Variants in MCPH1 observed in about 807,000 individuals in gnomAD.
The protein encoded by MCPH1 is microcephalin.
MCPH1 carries 104 observed loss-of-function variants against 84.5 expected under a neutral mutation model. That is an observed-to-expected ratio of 1.23 (90% CI 1.05 to 1.45). The LOEUF is 1.45. Ranked by LOEUF, MCPH1 falls within the 40% of genes most tolerant of loss-of-function variation. The pLI, the probability that MCPH1 is intolerant of heterozygous loss-of-function variation, is 0.00. For missense variants in MCPH1, 1,498 were observed against 1,005.7 expected (o/e 1.49, Z -6.62); for synonymous variants, 514 against 366.8 (o/e 1.40, Z -4.58).
intron 12 of MCPH1, among the ~76,000 whole-genome samples, chr8:6,567,350 G>A (rs901958781): frequency 3.3e-5 from 5 of 151,672 alleles, no homozygotes; most frequent in South Asian, 2.1e-4. Flanking sequence ...CACACGGTGC[G>A]GTGACCATGT....
At chr8:6,640,277 A>C (rs1020826036) in intron 13 of MCPH1, among the ~76,000 whole-genome samples, 1 of 152,076 alleles carries the variant, frequency 6.6e-6, no homozygotes, top group African/African-American at 2.4e-5. Context: ...TGTGTACTTA[A>C]ATTCTGATAC....
At chr8:6,479,710 A>G (rs2440392) in intron 10 of MCPH1, among the ~76,000 whole-genome samples, 104,253 of 152,036 alleles carry the variant, frequency 0.69, 40,013 homozygotes, top group Non-Finnish European at 0.84. Flanking sequence ...TGGGAGAGAG[A>G]GAAAACTAAT....
chr8:6,535,633 A>G (rs1041475992), intron 12 of MCPH1, among the ~76,000 whole-genome samples: 2 of 152,350 alleles, frequency 1.3e-5, no homozygotes, highest in South Asian at 2.1e-4. Flanking sequence ...TGAAGCATGT[A>G]TCATTTAAAT....
chr8:6,472,207 G>C (rs1279554814), intron 9 of MCPH1, among the ~76,000 whole-genome samples: 1 of 152,106 alleles, frequency 6.6e-6, no homozygotes, highest in Non-Finnish European at 1.5e-5. Flanking sequence ...AATATGCCAA[G>C]CATATAATTA....
At chr8:6,496,988 T>A (rs1291550307) in intron 11 of MCPH1, among the ~76,000 whole-genome samples, 1 of 152,194 alleles carries the variant, frequency 6.6e-6, no homozygotes, top group Non-Finnish European at 1.5e-5. Flanking sequence ...TTGTTCAGTG[T>A]TTTTGCTTAT....
intron 13 of MCPH1, chr8:6,625,347 C>T (rs1831956150): frequency 2.0e-6 from 2 of 985,392 alleles, no homozygotes; most frequent in Non-Finnish European, 2.4e-6. Flanking sequence ...ATGGATGTGT[C>T]CTCATCATCC....
intron 12 of MCPH1, among the ~76,000 whole-genome samples, chr8:6,563,976 C>CTTTTTT (rs11358428): frequency 5.9e-4 from 50 of 85,406 alleles, no homozygotes; most frequent in African/African-American, 1.9e-3. Context: ...GGAATACAAA[C>CTTTTTT]TTTTTTTTTT....
chr8:6,642,776 G>A (rs1327574386), intron 13 of MCPH1: 3 of 605,292 alleles, frequency 5.0e-6, no homozygotes, highest in Non-Finnish European at 9.1e-6. Context: ...ACTTGAACTG[G>A]CCAGTGTGAC....
intron 12 of MCPH1, chr8:6,562,863 C>G: frequency 1.2e-6 from 2 of 1,612,950 alleles, no homozygotes; most frequent in Non-Finnish European, 1.7e-6. Context: ...TGTCCATGCT[C>G]TTCCGAAAGT....
chr8:6,633,173 C>A (rs1363919135), intron 13 of MCPH1, among the ~76,000 whole-genome samples: 1 of 151,904 alleles, frequency 6.6e-6, no homozygotes, highest in Non-Finnish European at 1.5e-5. Context: ...TGCTATTACT[C>A]TTCAACAGTG....
chr8:6,549,436 G>A (rs1823203450), intron 12 of MCPH1, among the ~76,000 whole-genome samples: 1 of 152,232 alleles, frequency 6.6e-6, no homozygotes, highest in South Asian at 2.1e-4. Flanking sequence ...CAGGATTGGC[G>A]TTGAGAAGAG....
Position 6,517,998 on chromosome 8 carries a change from G to A in MCPH1, c.2214+18069G>A, listed in dbSNP as rs144546450. Among the ~76,000 whole-genome samples, 55 of 152,166 alleles carry A rather than the reference G, an allele frequency of 3.6e-4. No individual in the cohort carries two copies. In the East Asian group the frequency reaches 9.1e-3, roughly 25 times the overall value. Reference sequence around the variant, plus strand: ...GTTTAAAGGGAATATAAATCCTAATGTTTCCAACCATGACCTGAGGCTCAT... The same window carrying A: ...GTTTAAAGGGAATATAAATCCTAATATTTCCAACCATGACCTGAGGCTCAT... On this transcript the variant is annotated intron_variant, in intron 12 of 13. Transcript: ENST00000344683.
At chr8:6,629,158 G>C (rs1230637364) in intron 13 of MCPH1, among the ~76,000 whole-genome samples, 3 of 152,212 alleles carry the variant, frequency 2.0e-5, no homozygotes, top group Non-Finnish European at 4.4e-5. Flanking sequence ...AATATGACTG[G>C]TGTCCTTATA....
chr8:6,441,396 C>G (rs1262699945), intron 6 of MCPH1, among the ~76,000 whole-genome samples: 2 of 74,296 alleles, frequency 2.7e-5, no homozygotes, highest in South Asian at 4.8e-4. Context: ...TTGGTTTATT[C>G]TCTTTTTTTG....
In MCPH1 at chr8:6,643,287, C is replaced by T. The variant is rs1042267371; in HGVS notation, c.*238C>T. ...TTATTTTATTTTTTATTTTTTGAGA[C>T]GGAGTCCTGCCCTGTTTCCCAGGCT... On this transcript the variant is annotated 3_prime_UTR_variant, in exon 14 of 14. Coordinates refer to ENST00000344683, the MANE Select transcript of MCPH1 (RefSeq NM_024596.5). 1.3e-5 allele frequency: 7 copies of T among 520,216 alleles called. No homozygotes were observed. The highest frequency in any genetic ancestry group is 3.8e-5 in the African/African-American group (2 of 52,048). 32.2% of individuals were successfully genotyped at this position (520,216 alleles called of 1,614,324 possible). A position where few individuals can be genotyped will look rare whatever the true frequency, so the allele number is the denominator to read the frequency against.
At chr8:6,593,087 T>TG (rs1425274706) in intron 12 of MCPH1, among the ~76,000 whole-genome samples, 3 of 148,764 alleles carry the variant, frequency 2.0e-5, no homozygotes, top group Non-Finnish European at 4.5e-5. Context: ...TGTGGTTTTT[T>TG]TTTTTTTTTT....
intron 8 of MCPH1, among the ~76,000 whole-genome samples, chr8:6,454,674 AATC>A (rs1224292301): frequency 2.0e-5 from 3 of 152,130 alleles, no homozygotes; most frequent in Admixed American, 6.6e-5. Context: ...GGGGGAGTAA[AATC>A]ATCATCCATC....
In MCPH1 at chr8:6,445,051, C is replaced by A. The variant is rs775492524; in HGVS notation, c.1329C>A (p.Ser443Arg). The change falls in exon 8 of 14, where the codon AGC (serine) becomes AGA (arginine). Residue 443 changes from serine (S) to arginine (R), a missense_variant. By Grantham distance (110) the Ser-to-Arg change is moderately radical. Transcript: ENST00000344683. ...SQLPSSPAQL[S>R]CRSLSKKERT... Reference sequence around the variant, plus strand: ...TGCCATCAAGCCCTGCTCAGTTGAGCTGCAGAAGTCTTTCTAAGAAGGAGA... The same window carrying A: ...TGCCATCAAGCCCTGCTCAGTTGAGATGCAGAAGTCTTTCTAAGAAGGAGA... 1.2e-6 allele frequency: 2 copies of A among 1,614,092 alleles called. No homozygotes were observed. Among genetic ancestry groups the A allele is most frequent in the African/African-American group, 2.7e-5 (2 of 74,948 alleles).
chr8:6,578,670 G>A (rs1394152514), intron 12 of MCPH1, among the ~76,000 whole-genome samples: 2 of 152,174 alleles, frequency 1.3e-5, no homozygotes. Flanking sequence ...TGGAAGATGT[G>A]TATTTTGGAT....
Sources: gnomAD v4.1 joint callset for allele counts (sites outside exome capture counted in the v4.1 genomes callset) on GRCh38, gnomAD v4.1.1 for gene constraint, MANE v1.5 for transcripts, NCBI Gene and HGNC (gene_info 2026-07-23, HGNC 2026-07-21) for gene names.